EVC: variants seen among roughly 807,000 people sequenced by gnomAD.
The protein encoded by EVC is EvC ciliary complex subunit 1.
EVC carries 116 observed loss-of-function variants against 118.9 expected under a neutral mutation model. The ratio of observed to expected loss-of-function variants is 0.98; its 90% CI spans 0.84 to 1.14. The LOEUF (loss-of-function observed/expected upper bound fraction) is 1.14, where lower values mean the gene tolerates loss of function less well. Ranked by LOEUF, EVC falls within the 50% of genes most tolerant of loss-of-function variation. EVC has a pLI of 0.00. For missense variants in EVC, 1,401 were observed against 1,246.4 expected (o/e 1.12, Z -1.87); for synonymous variants, 619 against 534.7 (o/e 1.16, Z -2.18).
At chr4:5,729,741 C>T (rs1029290300) in intron 3 of EVC, among the ~76,000 whole-genome samples, 43 of 152,222 alleles carry the variant, frequency 2.8e-4, no homozygotes, top group African/African-American at 1.0e-3. Flanking sequence ...CTGGCACTTA[C>T]TGAACACTTA....
intron 8 of EVC, 136 bp downstream of exon 8, chr4:5,748,442 C>T (rs1235360514): frequency 1.1e-5 from 9 of 841,566 alleles, no homozygotes; most frequent in Non-Finnish European, 1.6e-5. Context: ...AAAAAACCAA[C>T]AACAACAGTA....
Position 5,812,465 on chromosome 4 carries a change from C to G in EVC, c.*1428C>G, listed in dbSNP as rs574764934. On this transcript the variant is annotated 3_prime_UTR_variant, in exon 21 of 21. Transcript: ENST00000264956. ...CACAGCCAGGAGAGACCTTTTCTGC[C>G]TGGAGAGAAACTTTCAGACCAGCCC... 13 of 166,014 alleles carry G rather than the reference C, an allele frequency of 7.8e-5. No individual in the cohort carries two copies. In the South Asian group the frequency reaches 1.9e-3, roughly 24 times the overall value. 10.3% of individuals were successfully genotyped at this position (166,014 alleles called of 1,614,324 possible).
chr4:5,770,253 A>C (rs1300554097), intron 11 of EVC, among the ~76,000 whole-genome samples: 1 of 152,056 alleles, frequency 6.6e-6, no homozygotes, highest in Non-Finnish European at 1.5e-5. Context: ...CTCCGCCCCC[A>C]CAGCTGCCCT....
chr4:5,827,789 A>G, the EVC span, among the ~76,000 whole-genome samples: 1 of 152,046 alleles, frequency 6.6e-6, no homozygotes, highest in South Asian at 2.1e-4. Context: ...CAGCTGTCTC[A>G]TGGGGAAAGC....
chr4:5,757,791 A>T (rs949187314), intron 11 of EVC, among the ~76,000 whole-genome samples: 28 of 152,286 alleles, frequency 1.8e-4, no homozygotes, highest in Middle Eastern at 3.4e-3. Flanking sequence ...AAATACAGCC[A>T]CATGGGATAT....
At chr4:5,718,776 A>G (rs1233568194) in intron 1 of EVC, among the ~76,000 whole-genome samples, 2 of 152,248 alleles carry the variant, frequency 1.3e-5, no homozygotes, top group East Asian at 3.8e-4. Flanking sequence ...ATTGTAGTTC[A>G]GAATAGAAAC....
chr4:5,784,334 G>A (rs779688549), intron 12 of EVC, among the ~76,000 whole-genome samples: 5 of 152,134 alleles, frequency 3.3e-5, no homozygotes, highest in African/African-American at 4.8e-5. Flanking sequence ...GTCAGAGAAG[G>A]AGGGTTGATG....
At chr4:5,794,531 C>A (rs1402256403) in intron 13 of EVC, among the ~76,000 whole-genome samples, 1 of 151,266 alleles carries the variant, frequency 6.6e-6, no homozygotes, top group African/African-American at 2.4e-5. Flanking sequence ...CAGCTTCAGC[C>A]TCCCGAGTAG....
At chr4:5,715,796 T>A (rs538918342) in intron 1 of EVC, among the ~76,000 whole-genome samples, 1 of 137,966 alleles carries the variant, frequency 7.2e-6, no homozygotes, top group East Asian at 2.2e-4. Flanking sequence ...CAGGCTGGAG[T>A]GCAGTAGTGC....
rs933958307 is a variant in EVC, at chr4:5,798,541, G to A, written c.2098-45G>A. On this transcript the variant is annotated intron_variant, in intron 14 of 20. Coordinates refer to ENST00000264956, the MANE Select transcript of EVC (RefSeq NM_153717.3). This position sits in a 1 kb window ranked among gnomAD's most constrained non-coding sequence, Gnocchi z 4.1. ...TCCCAGTCCTGGCCAGAGCTTCTCT[G>A]TGAGAGGAGCACTTGGCCCCTGCTC... The A allele has an allele frequency of 2.6e-6, 4 of 1,531,770 alleles. No homozygotes were observed. The African/African-American group carries it at 5.5e-5, about 21-fold the overall frequency. The allele number at this position is 1,531,770 out of a possible 1,614,324, so 94.9% of individuals were successfully genotyped here.
chr4:5,819,104 G>A (rs143614225), downstream of EVC, among the ~76,000 whole-genome samples: 2 of 152,314 alleles, frequency 1.3e-5, no homozygotes, highest in Non-Finnish European at 2.9e-5. Flanking sequence ...ATGGGAAATG[G>A]AGAACCTTCA....
At chr4:5,733,633 T>C (rs1250553258) in intron 5 of EVC, among the ~76,000 whole-genome samples, 198 bp downstream of exon 5, 1 of 152,172 alleles carries the variant, frequency 6.6e-6, no homozygotes, top group East Asian at 1.9e-4. Flanking sequence ...TGGTGGGGCA[T>C]GGCCTTGACT....
intron 15 of EVC, 190 bp from the exon 16 acceptor site, chr4:5,801,760 C>A: frequency 1.6e-6 from 1 of 633,558 alleles, no homozygotes; most frequent in Non-Finnish European, 2.9e-6. Context: ...ACATCCCTGA[C>A]CTAAGAAGAT....
Position 5,793,638 on chromosome 4 carries a change from G to A in EVC, c.1807G>A (p.Val603Met), listed in dbSNP as rs886042994. The change falls in exon 13 of 21, where the codon GTG becomes ATG. Residue 603 changes from valine (V) to methionine (M), a missense_variant. Coordinates refer to ENST00000264956, the MANE Select transcript of EVC (RefSeq NM_153717.3). ...VWMEECALSS[V>M]LQTHLREDHE... is the part of the protein sequence containing the mutation. ...GATGGAGGAGTGTGCGCTGTCCAGC[G>A]TGCTGCAGACACACCTGCGGGAGGA... 74 of 1,552,006 alleles carry A rather than the reference G, an allele frequency of 4.8e-5. No individual in the cohort carries two copies. In the Admixed American group the frequency reaches 7.6e-4, roughly 16 times the overall value.
At chr4:5,733,095 T>C (rs1286551882) in intron 4 of EVC, among the ~76,000 whole-genome samples, 2 of 152,170 alleles carry the variant, frequency 1.3e-5, no homozygotes, top group African/African-American at 4.8e-5. Context: ...CCTCTCTCCA[T>C]TGGTTTTCTC....
At chr4:5,821,873 T>G in the EVC span, 2 of 1,541,372 alleles carry the variant, frequency 1.3e-6, no homozygotes, top group Non-Finnish European at 1.7e-6. The surrounding 1 kb of genome is among the most constrained non-coding windows in gnomAD (Gnocchi z 4.4). Flanking sequence ...CGCCAATCGC[T>G]GCTGGATGGG....
chr4:5,741,888 A>T (rs1577395991), intron 6 of EVC, 74 bp downstream of exon 6: 6 of 776,998 alleles, frequency 7.7e-6, no homozygotes, highest in East Asian at 2.8e-5. Context: ...TGATGCAAAA[A>T]TTTTTTTCTT....
At chr4:5,767,131 C>T (rs1733006601) in intron 11 of EVC, among the ~76,000 whole-genome samples, 2 of 151,702 alleles carry the variant, frequency 1.3e-5, no homozygotes, top group African/African-American at 4.8e-5. Flanking sequence ...ACAGGACCCT[C>T]AGCTGCAGGT....
chr4:5,748,082 C>A (rs1021472392), intron 7 of EVC, 66 bp from the exon 8 acceptor site: 3 of 1,557,846 alleles, frequency 1.9e-6, no homozygotes, highest in African/African-American at 2.8e-5. Flanking sequence ...TTCCCGAGCA[C>A]GCACCGTTTG....
Sources: gnomAD v4.1 joint callset for allele counts (sites outside exome capture counted in the v4.1 genomes callset) on GRCh38, gnomAD v4.1.1 for gene constraint, Gnocchi (gnomAD v3.1) non-coding constraint, MANE v1.5 for transcripts, NCBI Gene and HGNC (gene_info 2026-07-23, HGNC 2026-07-21) for gene names.